The following SULF2 variants were observed in gnomAD, a reference collection of about 807,000 sequenced individuals.
The protein encoded by SULF2 is extracellular sulfatase Sulf-2.
Under a neutral mutation model 107.7 loss-of-function variants are expected in SULF2, and 52 were observed. The ratio of observed to expected loss-of-function variants is 0.48; its 90% CI spans 0.39 to 0.61. The LOEUF is 0.61. Among genes scored for constraint, SULF2 ranks in the 20% least tolerant of loss-of-function variants. The probability of loss-of-function intolerance (pLI) is 0.00; values close to 1 mark genes in which losing one functional copy is unlikely to be tolerated. For missense variants in SULF2, 993 were observed against 1,177.3 expected (o/e 0.84, Z 2.29); for synonymous variants, 460 against 464.3 (o/e 0.99, Z 0.12).
At chr20:47,708,710 G>A (rs964614423) in intron 3 of SULF2, among the ~76,000 whole-genome samples, 1 of 152,172 alleles carries the variant, frequency 6.6e-6, no homozygotes, top group Non-Finnish European at 1.5e-5. Context: ...GAACCTACTG[G>A]TTCTTGAAGA....
At chr20:47,727,199 G>A (rs2089467832) in intron 3 of SULF2, among the ~76,000 whole-genome samples, 2 of 152,190 alleles carry the variant, frequency 1.3e-5, no homozygotes, top group Admixed American at 6.5e-5. Flanking sequence ...ATGAAGTTAC[G>A]CTGGATCAGA....
intron 9 of SULF2, 73 bp from the exon 10 acceptor site, chr20:47,676,696 A>C: frequency 6.6e-7 from 1 of 1,525,898 alleles, no homozygotes; most frequent in Non-Finnish European, 8.8e-7. Flanking sequence ...ATGTGTGCCC[A>C]CCTAGAGGGG....
intron 11 of SULF2, 56 bp downstream of exon 11, chr20:47,672,141 GC>G: frequency 3.9e-6 from 6 of 1,527,878 alleles, no homozygotes; most frequent in Non-Finnish European, 5.3e-6. Context: ...AATGAATGGG[GC>G]CCCCCAGGCA....
intron 4 of SULF2, among the ~76,000 whole-genome samples, chr20:47,695,228 A>G (rs919314172): frequency 2.0e-5 from 3 of 152,234 alleles, no homozygotes; most frequent in Non-Finnish European, 4.4e-5. Flanking sequence ...GTATGGATGC[A>G]GTTTTAATTT....
intron 20 of SULF2, among the ~76,000 whole-genome samples, chr20:47,658,877 A>C (rs965328965): frequency 1.3e-5 from 2 of 152,218 alleles, no homozygotes; most frequent in African/African-American, 4.8e-5. Context: ...TTGGTAGACG[A>C]ATGAGAAAAT....
intron 3 of SULF2, among the ~76,000 whole-genome samples, chr20:47,726,244 T>C (rs960721716): frequency 3.3e-5 from 5 of 152,208 alleles, no homozygotes; most frequent in African/African-American, 1.2e-4. Flanking sequence ...CTCACTCTGT[T>C]GCCCAGGCCG....
intron 5 of SULF2, among the ~76,000 whole-genome samples, chr20:47,687,643 CTTTG>C (rs35259151): frequency 0.039 from 5,844 of 151,454 alleles, 178 homozygotes; most frequent in Middle Eastern, 0.076. Context: ...CTGCCTATGT[CTTTG>C]TTTGCGTGTG....
At chr20:47,669,231 C>T (rs1244165462) in intron 11 of SULF2, among the ~76,000 whole-genome samples, 3 of 152,192 alleles carry the variant, frequency 2.0e-5, no homozygotes, top group Non-Finnish European at 4.4e-5. Context: ...GAGTCCTCGT[C>T]CCCTTCTCCT....
chr20:47,696,986 T>C (rs888030366), intron 4 of SULF2, among the ~76,000 whole-genome samples: 1 of 152,180 alleles, frequency 6.6e-6, no homozygotes, highest in Non-Finnish European at 1.5e-5. Flanking sequence ...CTTCTCCAGA[T>C]AGACAGAGAA....
Position 47,672,373 on chromosome 20 carries a change from G to A in SULF2, c.1401C>T (p.Asp467=), listed in dbSNP as rs557994710. The change falls in exon 11 of 21, where the codon GAC becomes GAT. Residue 467 remains aspartate, a synonymous_variant. Transcript: ENST00000688720. ...QLGQKWQCVE[D]ATGKLKLHKC... ...TATGCAGCTTCAGCTTCCCCGTGGC[G>A]TCCTCCACACACTGCCACTTCTGAA... The A allele has an allele frequency of 4.0e-5, 64 of 1,610,910 alleles. No homozygotes were observed. The highest frequency in any genetic ancestry group is 2.4e-4 in the South Asian group (22 of 91,002).
At chr20:47,661,578 TC>T in intron 18 of SULF2, 194 bp downstream of exon 18, 1 of 436,618 alleles carries the variant, frequency 2.3e-6, no homozygotes, top group South Asian at 9.9e-5. Flanking sequence ...GTGCAGGTGT[TC>T]CTCTCTCAGG....
At position 47,702,645 on chromosome 20, in the gene SULF2, T is replaced by C. The variant is rs758286188; in HGVS notation, c.441A>G (p.Glu147=). 12 of 1,613,854 alleles carry C rather than the reference T, an allele frequency of 7.4e-6. No homozygotes were observed. Among genetic ancestry groups the C allele is most frequent in the Middle Eastern group, 1.7e-4 (1 of 5,936 alleles). ...RTAFFGKYLN[E]YNGSYVPPGW... ...CGGGTGGCACGTAGGAGCCGTTGTA[T>C]TCATTAAGATACTTCCCGAAGAAAG... The change falls in exon 4 of 21, where the codon GAA becomes GAG. Residue 147 remains glutamate, a synonymous_variant. Transcript: ENST00000688720.
At chr20:47,675,504 A>G (rs2087612124) in intron 10 of SULF2, among the ~76,000 whole-genome samples, 1 of 152,182 alleles carries the variant, frequency 6.6e-6, no homozygotes. Flanking sequence ...ATGGGCCTGT[A>G]CTAATTCTGT....
intron 2 of SULF2, among the ~76,000 whole-genome samples, chr20:47,747,712 C>T (rs12625437): frequency 0.37 from 55,964 of 151,844 alleles, 11,559 homozygotes; most frequent in African/African-American, 0.56. Flanking sequence ...GCAAAGCAAC[C>T]TAATGTCCCC....
At chr20:47,658,753 C>T (rs1374246096) in intron 20 of SULF2, among the ~76,000 whole-genome samples, 1 of 152,176 alleles carries the variant, frequency 6.6e-6, no homozygotes, top group Admixed American at 6.5e-5. Context: ...AATGAGTAGA[C>T]CAGAGGTTGC....
chr20:47,704,961 C>T (rs1480558045), intron 3 of SULF2, among the ~76,000 whole-genome samples: 6 of 152,182 alleles, frequency 3.9e-5, no homozygotes, highest in Non-Finnish European at 8.8e-5. Context: ...AGCCACCTGG[C>T]CCTGGGGGAG....
chr20:47,692,729 C>T (rs1206688187), intron 4 of SULF2, among the ~76,000 whole-genome samples: 4 of 152,210 alleles, frequency 2.6e-5, no homozygotes, highest in Non-Finnish European at 5.9e-5. Context: ...CCTGCCTCAG[C>T]CTCCCAAAGT....
At chr20:47,725,587 A>G (rs1331368647) in intron 3 of SULF2, among the ~76,000 whole-genome samples, 1 of 152,196 alleles carries the variant, frequency 6.6e-6, no homozygotes, top group Non-Finnish European at 1.5e-5. Flanking sequence ...CTTAGAAAGA[A>G]GTTTGCAAGC....
At chr20:47,785,023 C>T (rs1402951814) in intron 1 of SULF2, among the ~76,000 whole-genome samples, 1 of 152,126 alleles carries the variant, frequency 6.6e-6, no homozygotes, top group East Asian at 1.9e-4. Context: ...AGGCGCGCTC[C>T]CCTACCCGGG....
Sources: allele counts gnomAD v4.1 joint callset (sites outside exome capture counted in the v4.1 genomes callset), GRCh38; gene constraint gnomAD v4.1.1; transcripts MANE v1.5; gene names NCBI Gene and HGNC (gene_info 2026-07-23, HGNC 2026-07-21).